BORCS5: variants seen among roughly 807,000 people sequenced by gnomAD.
The protein encoded by BORCS5 is BLOC-1-related complex subunit 5.
Under a neutral mutation model 22.1 loss-of-function variants are expected in BORCS5, and 17 were observed. The observed-to-expected ratio is 0.77, with a 90% CI of 0.53 to 1.15. BORCS5 has a LOEUF of 1.15. Among genes scored for constraint, BORCS5 ranks in the 50% most tolerant of loss-of-function variants. The pLI is 0.00. For synonymous variants in BORCS5, 117 were observed against 99.8 expected, an observed-to-expected ratio of 1.17 and a Z score of -1.03; for missense variants, 247 against 253.2, an observed-to-expected ratio of 0.98 and a Z score of 0.17.
At chr12:12,403,648 C>T (rs1941527587) in intron 2 of BORCS5, among the ~76,000 whole-genome samples, 3 of 152,142 alleles carry the variant, frequency 2.0e-5, no homozygotes, top group Admixed American at 2.0e-4. Flanking sequence ...GTTTTTATGA[C>T]TGAGGTATCT....
At chr12:12,432,927 A>G (rs1436758173) in intron 2 of BORCS5, among the ~76,000 whole-genome samples, 1 of 152,218 alleles carries the variant, frequency 6.6e-6, no homozygotes, top group African/African-American at 2.4e-5. Context: ...CAAAAGCAGC[A>G]CAAGAACTCT....
chr12:12,359,056 G>A (rs922352604), intron 1 of BORCS5, among the ~76,000 whole-genome samples: 2 of 152,116 alleles, frequency 1.3e-5, no homozygotes, highest in African/African-American at 4.8e-5. Context: ...ATTCATTCTT[G>A]TCCCAGTCTG....
chr12:12,404,159 G>A (rs1052970289), intron 2 of BORCS5, among the ~76,000 whole-genome samples: 3 of 152,030 alleles, frequency 2.0e-5, no homozygotes, highest in Admixed American at 6.5e-5. Flanking sequence ...CTTTTGCTCC[G>A]GGTGAGAAAT....
At chr12:12,414,718 T>C (rs1164022912) in intron 2 of BORCS5, among the ~76,000 whole-genome samples, 6 of 119,710 alleles carry the variant, frequency 5.0e-5, no homozygotes, top group South Asian at 2.6e-4. Flanking sequence ...CCGGATGGGG[T>C]GGCTGCCGGG....
intron 3 of BORCS5, among the ~76,000 whole-genome samples, chr12:12,449,780 T>C (rs564430701): frequency 3.9e-5 from 6 of 152,316 alleles, no homozygotes; most frequent in Non-Finnish European, 7.3e-5. Flanking sequence ...TTGGCGACAG[T>C]CGGCCTCATT....
intron 3 of BORCS5, among the ~76,000 whole-genome samples, chr12:12,455,837 C>T (rs1942990435): frequency 6.7e-6 from 1 of 148,168 alleles, no homozygotes; most frequent in African/African-American, 2.5e-5. Flanking sequence ...TTGTTTTTAA[C>T]ATTTCTTTTA....
intron 3 of BORCS5, among the ~76,000 whole-genome samples, chr12:12,458,775 A>G (rs1388215735): frequency 6.6e-6 from 1 of 151,516 alleles, no homozygotes; most frequent in Non-Finnish European, 1.5e-5. Flanking sequence ...GCTTGAGACT[A>G]TCCTGGCTAA....
In BORCS5 at chr12:12,383,571, C is replaced by A. The variant is rs1282451386; in HGVS notation, c.202+22222C>A. Among the ~76,000 whole-genome samples, 3 of 149,610 alleles carry A rather than the reference C, an allele frequency of 2.0e-5. 1 individual carries two copies. The highest frequency in any genetic ancestry group is 2.0e-4 in the Admixed American group (3 of 15,048). On this transcript the variant is annotated intron_variant, in intron 2 of 3. Coordinates refer to ENST00000314565, the MANE Select transcript of BORCS5 (RefSeq NM_058169.6). ...TGTTACAAATTCACTAGCAGATTTT[C>A]TCAGTTTTTGTTTATCTAGGAATGT...
intron 2 of BORCS5, among the ~76,000 whole-genome samples, chr12:12,371,067 T>C (rs1863517399): frequency 6.6e-6 from 1 of 152,052 alleles, no homozygotes; most frequent in African/African-American, 2.4e-5. Flanking sequence ...CCTTTTAACA[T>C]ATTCCCCTTA....
At chr12:12,384,985 T>C (rs1180897976) in intron 2 of BORCS5, among the ~76,000 whole-genome samples, 1 of 151,274 alleles carries the variant, frequency 6.6e-6, no homozygotes, top group Non-Finnish European at 1.5e-5. Context: ...GGGTTAATAG[T>C]CAGTTATTGA....
intron 3 of BORCS5, among the ~76,000 whole-genome samples, chr12:12,447,522 A>G (rs1208505188): frequency 6.6e-6 from 1 of 152,208 alleles, no homozygotes; most frequent in African/African-American, 2.4e-5. Context: ...GCAGCCATCT[A>G]TCATCCTGCC....
chr12:12,378,521 G>C (rs1468573964), intron 2 of BORCS5, among the ~76,000 whole-genome samples: 1 of 152,158 alleles, frequency 6.6e-6, no homozygotes, highest in African/African-American at 2.4e-5. Flanking sequence ...AAAAATATTA[G>C]AGACATGCTA....
intron 2 of BORCS5, among the ~76,000 whole-genome samples, chr12:12,422,884 TCAG>T (rs1942173126): frequency 6.6e-6 from 1 of 151,848 alleles, no homozygotes. Flanking sequence ...TTTTAATGTA[TCAG>T]TCTCTTAACG....
chr12:12,379,214 G>A lies in BORCS5; in HGVS notation c.202+17865G>A, dbSNP rs556614346. On this transcript the variant is annotated intron_variant, in intron 2 of 3. Coordinates refer to ENST00000314565, the MANE Select transcript of BORCS5 (RefSeq NM_058169.6). Reference sequence around the variant, plus strand: ...TGACTCACTGCAACCTCTGCCTCCCGGGTTCAAGTGATTCTCTTGCCTCAG... The same window carrying A: ...TGACTCACTGCAACCTCTGCCTCCCAGGTTCAAGTGATTCTCTTGCCTCAG... Among the ~76,000 whole-genome samples the A allele has an allele frequency of 5.4e-5, 8 of 148,830 alleles. 1 individual carries two copies. Among genetic ancestry groups the A allele is most frequent in the South Asian group, 4.2e-4 (2 of 4,710 alleles).
At chr12:12,406,446 C>T (rs1592093706) in intron 2 of BORCS5, among the ~76,000 whole-genome samples, 1 of 152,308 alleles carries the variant, frequency 6.6e-6, no homozygotes, top group East Asian at 1.9e-4. Flanking sequence ...AATCCTGTTT[C>T]CCATTACCCA....
chr12:12,421,261 C>A (rs150699969), intron 2 of BORCS5, among the ~76,000 whole-genome samples: 2 of 151,968 alleles, frequency 1.3e-5, no homozygotes, highest in African/African-American at 4.8e-5. Flanking sequence ...TAGCATGAAG[C>A]GCTGTTGAAT....
At chr12:12,458,347 G>A (rs1943036555) in intron 3 of BORCS5, among the ~76,000 whole-genome samples, 1 of 151,990 alleles carries the variant, frequency 6.6e-6, no homozygotes, top group South Asian at 2.1e-4. Context: ...CAATAATTCA[G>A]TAATGTTTTC....
chr12:12,431,420 T>TTTTC (rs1942421983), intron 2 of BORCS5, among the ~76,000 whole-genome samples: 1 of 149,822 alleles, frequency 6.7e-6, no homozygotes, highest in Admixed American at 6.6e-5. Context: ...TTTTTTTTTT[T>TTTTC]TGAGACGGAG....
intron 2 of BORCS5, among the ~76,000 whole-genome samples, chr12:12,422,887 G>A (rs1002313994): frequency 6.7e-6 from 1 of 150,250 alleles, no homozygotes; most frequent in Non-Finnish European, 1.5e-5. Flanking sequence ...TAATGTATCA[G>A]TCTCTTAACG....
Sources: allele counts gnomAD v4.1 joint callset (sites outside exome capture counted in the v4.1 genomes callset), GRCh38; gene constraint gnomAD v4.1.1; transcripts MANE v1.5; gene names NCBI Gene and HGNC (gene_info 2026-07-23, HGNC 2026-07-21).